PASK: variants seen among roughly 807,000 people sequenced by gnomAD.
PASK encodes PAS domain containing serine/threonine kinase.
A neutral mutation model predicts 121.0 loss-of-function variants in PASK; 110 were observed. The ratio of observed to expected loss-of-function variants is 0.91; its 90% confidence interval spans 0.78 to 1.06. PASK has a LOEUF of 1.06. Among genes scored for constraint, PASK ranks in the 50% least tolerant of loss-of-function variants. PASK has a pLI of 0.00. For synonymous variants in PASK, 686 were observed against 717.8 expected (o/e 0.96, Z 0.71); for missense variants, 1,643 against 1,702.3 (o/e 0.97, Z 0.61).
intron 14 of PASK, chr2:241,114,466 C>T (rs375282727): frequency 9.0e-6 from 9 of 997,604 alleles, no homozygotes; most frequent in East Asian, 1.1e-4. Flanking sequence ...AAACCCAACA[C>T]GAGTTACCGT....
chr2:241,149,310 G>A, intron 1 of PASK, 104 bp downstream of exon 1: 1 of 200,194 alleles, frequency 5.0e-6, no homozygotes. Context: ...TAAGAGTCGG[G>A]CGGCGGATCC....
chr2:241,138,295 T>C (rs1183403163), intron 5 of PASK, among the ~76,000 whole-genome samples: 1 of 152,254 alleles, frequency 6.6e-6, no homozygotes, highest in East Asian at 1.9e-4. Flanking sequence ...GCCTTCTTGT[T>C]CTTCAGGAGC....
intron 14 of PASK, chr2:241,113,705 G>A (rs553208231): frequency 6.9e-5 from 68 of 984,636 alleles, no homozygotes; most frequent in Non-Finnish European, 7.6e-5. Context: ...GCTAAAGAGC[G>A]ACTTGAAGAA....
chr2:241,149,429 G>T lies in PASK; in HGVS notation c.-58C>A. On this transcript the variant is annotated 5_prime_UTR_variant, in exon 1 of 18. Coordinates refer to ENST00000234040, the MANE Select transcript of PASK (RefSeq NM_015148.4). ...GGTATCTCACCTGGATCAGGCGAGG[G>T]TCACGCCAAGCCGGCTACACACCAC... The T allele has an allele frequency of 1.8e-6, 1 of 547,426 alleles. No individual in the cohort carries two copies. 33.9% of individuals were successfully genotyped at this position (547,426 alleles called of 1,614,324 possible). A position where few individuals can be genotyped will look rare whatever the true frequency, so the allele number is the denominator to read the frequency against.
At position 241,108,535 on chromosome 2, in the gene PASK, A is replaced by C. The variant is rs913076085; in HGVS notation, c.3534-235T>G. The C allele has an allele frequency of 3.5e-6, 2 of 579,260 alleles. No homozygotes were observed. Among genetic ancestry groups the C allele is most frequent in the Admixed American group, 5.5e-5 (2 of 36,210 alleles). The allele number at this position is 579,260 out of a possible 1,614,324, so 35.9% of individuals were successfully genotyped here. A position where few individuals can be genotyped will look rare whatever the true frequency, so the allele number is the denominator to read the frequency against. On this transcript the variant is annotated intron_variant, in intron 15 of 17. Transcript: ENST00000234040. The surrounding 1 kb of genome is among the most constrained non-coding windows in gnomAD (Gnocchi z 5.2). ...AGGCCATCGGGCAGCTCCGAGGCTA[A>C]TCAGGAACTTCCTTGTGGACACCAA... is the stretch of plus-strand genomic sequence containing the variant.
At chr2:241,118,833 C>T (rs1192729231) in intron 12 of PASK, 12 of 683,278 alleles carry the variant, frequency 1.8e-5, no homozygotes, top group Non-Finnish European at 2.3e-5. Flanking sequence ...GTGTGGTGTA[C>T]ACACCCCGCA....
rs1467793244 is a variant in PASK at position 241,107,238 on chromosome 2, A to C, written c.3814+115T>G. On this transcript the variant is annotated intron_variant, in intron 17 of 17. Coordinates refer to ENST00000234040, the MANE Select transcript of PASK (RefSeq NM_015148.4). ...CTATAGGCCCTGACATTTGTGTCCAAGACAGCATGGGGGAGAGAGCCTCCT... is the reference window on the plus strand; with the variant it reads ...CTATAGGCCCTGACATTTGTGTCCACGACAGCATGGGGGAGAGAGCCTCCT... 3.2e-6 allele frequency: 3 copies of C among 941,562 alleles called. No homozygotes were observed. The East Asian group carries it at 7.2e-5, about 23-fold the overall frequency. The allele number at this position is 941,562 out of a possible 1,614,324, so 58.3% of individuals were successfully genotyped here.
rs987932370 is a variant in PASK, at chr2:241,107,387, A to G, written c.3780T>C (p.Tyr1260=). Residue 1260 remains tyrosine, a synonymous_variant, in exon 17 of 18, where the codon TAT becomes TAC. Coordinates refer to ENST00000234040, the MANE Select transcript of PASK (RefSeq NM_015148.4). ...TTACTCGAAACACCTCTTCCCATGT[A>G]TAGTCAGCAAGATTCACAGGCTGTG... ...WVTQPVNLAD[Y]TWEEVFRVNK... 1 of 1,614,012 alleles carries G rather than the reference A, an allele frequency of 6.2e-7. No individual in the cohort carries two copies. Among genetic ancestry groups the G allele is most frequent in the African/African-American group, 1.3e-5 (1 of 75,044 alleles).
intron 11 of PASK, among the ~76,000 whole-genome samples, chr2:241,123,113 CAT>C (rs1287822320): frequency 3.9e-5 from 6 of 152,152 alleles, no homozygotes; most frequent in East Asian, 1.9e-4. Flanking sequence ...AACTGGCACA[CAT>C]GTCGAAACGT....
In PASK at chr2:241,108,537, C is replaced by A. The variant is rs1214201978; in HGVS notation, c.3534-237G>T. On this transcript the variant is annotated intron_variant, in intron 15 of 17. Coordinates refer to ENST00000234040, the MANE Select transcript of PASK (RefSeq NM_015148.4). This position sits in a 1 kb window ranked among gnomAD's most constrained non-coding sequence, Gnocchi z 5.2. ...GCCATCGGGCAGCTCCGAGGCTAAT[C>A]AGGAACTTCCTTGTGGACACCAACC... 1.7e-6 allele frequency: 1 copy of A among 579,444 alleles called. No homozygotes were observed. Among genetic ancestry groups the A allele is most frequent in the Non-Finnish European group, 3.1e-6 (1 of 321,156 alleles). 35.9% of individuals were successfully genotyped at this position (579,444 alleles called of 1,614,324 possible). A position where few individuals can be genotyped will look rare whatever the true frequency, so the allele number is the denominator to read the frequency against.
intron 10 of PASK, among the ~76,000 whole-genome samples, chr2:241,125,609 G>GAAAAAAAAAAAAAAAAAAAAAAA (rs11353969): frequency 8.4e-6 from 1 of 118,398 alleles, no homozygotes; most frequent in African/African-American, 2.9e-5. Context: ...CAAAAAAAAA[G>GAAAAAAAAAAAAAAAAAAAAAAA]AAAAAAAAAA....
chr2:241,150,297 A>AT (rs2125471247), upstream of PASK: 1 of 1,318,786 alleles, frequency 7.6e-7, no homozygotes, highest in South Asian at 2.3e-5. Flanking sequence ...GCCGCCTGAA[A>AT]TTACCTGCTC....
chr2:241,142,521 C>T (rs1320174224), intron 2 of PASK, among the ~76,000 whole-genome samples: 1 of 152,240 alleles, frequency 6.6e-6, no homozygotes, highest in Non-Finnish European at 1.5e-5. Flanking sequence ...AATAGCCTAA[C>T]CTAGAACAGC....
chr2:241,119,338 C>T (rs1028940569), intron 12 of PASK, among the ~76,000 whole-genome samples: 2 of 152,194 alleles, frequency 1.3e-5, no homozygotes, highest in African/African-American at 4.8e-5. Context: ...CCGCCCTACC[C>T]CTGGGACGTT....
intron 8 of PASK, chr2:241,133,342 T>A (rs1169180578): frequency 2.4e-6 from 1 of 422,882 alleles, no homozygotes; most frequent in Admixed American, 3.5e-5. Context: ...GTCTCGGCCA[T>A]GGCCCCCCAA....
chr2:241,138,349 T>C (rs555812622), intron 5 of PASK, among the ~76,000 whole-genome samples: 2 of 152,366 alleles, frequency 1.3e-5, no homozygotes, highest in African/African-American at 2.4e-5. Context: ...AGTTCACATA[T>C]GAGGGCTGTC....
At position 241,112,277 on chromosome 2, in the gene PASK, T is replaced by C. The variant is rs371133886; in HGVS notation, c.3496A>G (p.Ile1166Val). The change falls in exon 15 of 18, where the codon ATC (isoleucine) becomes GTC (valine). Residue 1166 changes from isoleucine to valine, a missense_variant. Physicochemically the swap from Ile to Val is conservative, Grantham distance 29 (BLOSUM62 3). Around this residue, in one of 3 missense-constraint regions of PASK, gnomAD observed 453 missense variants for 511.2 expected, o/e 0.89. Coordinates refer to ENST00000234040, the MANE Select transcript of PASK (RefSeq NM_015148.4). The surrounding 1 kb of genome is among the most constrained non-coding windows in gnomAD (Gnocchi z 5.2). The part of the protein sequence containing the change: ...GKLFYTFCGT[I>V]EYCAPEVLMG... Reference sequence around the variant, plus strand: ...AGAACTTCCGGTGCACAGTACTCGATGGTCCCACAAAAAGTATAAAATAAT... The same window carrying C: ...AGAACTTCCGGTGCACAGTACTCGACGGTCCCACAAAAAGTATAAAATAAT... 5 of 1,613,878 alleles carry C rather than the reference T, an allele frequency of 3.1e-6. No individual in the cohort carries two copies. The highest frequency in any genetic ancestry group is 8.5e-7 in the Non-Finnish European group (1 of 1,179,820).
At chr2:241,122,667 G>A (rs1372353486) in intron 12 of PASK, 65 bp downstream of exon 12, 14 of 1,492,596 alleles carry the variant, frequency 9.4e-6, no homozygotes, top group Non-Finnish European at 1.3e-5. Context: ...TTGAGAACTG[G>A]GACCAAAAGT....
At chr2:241,142,649 A>T (rs968034215) in intron 2 of PASK, among the ~76,000 whole-genome samples, 188 bp downstream of exon 2, 1 of 152,240 alleles carries the variant, frequency 6.6e-6, no homozygotes, top group African/African-American at 2.4e-5. Context: ...ATCACAGCAG[A>T]GTAAAAGCAG....
Sources: gnomAD v4.1 joint callset for allele counts (sites outside exome capture counted in the v4.1 genomes callset) on GRCh38, gnomAD v4.1.1 for gene constraint, gnomAD v4.1.1 regional missense constraint, Gnocchi (gnomAD v3.1) non-coding constraint, MANE v1.5 for transcripts, NCBI Gene and HGNC (gene_info 2026-07-23, HGNC 2026-07-21) for gene names.